NPHS1: variants seen among roughly 807,000 people sequenced by gnomAD.
The protein encoded by NPHS1 is NPHS1 adhesion molecule, nephrin, also known as nephrin.
In NPHS1, 107 loss-of-function variants were observed where a neutral mutation model predicts 139.7. That is an observed-to-expected ratio of 0.77 (90% CI 0.66 to 0.90). NPHS1 has a LOEUF of 0.90. Among genes scored for constraint, NPHS1 ranks in the 40% least tolerant of loss-of-function variants. The pLI is 0.00. For missense variants in NPHS1, 1,580 were observed against 1,654.2 expected (o/e 0.96, Z 0.78); for synonymous variants, 707 against 706.6 (o/e 1.00, Z -0.01).
chr19:35,833,241 G>C (rs1192115980), intron 23 of NPHS1, among the ~76,000 whole-genome samples: 1 of 151,996 alleles, frequency 6.6e-6, no homozygotes, highest in Non-Finnish European at 1.5e-5. Context: ...ATATCAGGCT[G>C]ACTTGGCTGC....
chr19:35,826,708 C>A, intron 28 of NPHS1, 63 bp from the exon 29 acceptor site: 2 of 1,580,082 alleles, frequency 1.3e-6, no homozygotes, highest in Non-Finnish European at 8.7e-7. Flanking sequence ...CATTGAAGAT[C>A]TGGGGGATAC....
intron 16 of NPHS1, 112 bp downstream of exon 16, chr19:35,843,991 G>GGTT: frequency 7.0e-7 from 1 of 1,436,574 alleles, no homozygotes; most frequent in Non-Finnish European, 9.5e-7. Flanking sequence ...AGAACGGGAG[G>GGTT]GTTCCAGGAT....
chr19:35,843,075 G>A (rs140514878), intron 17 of NPHS1, among the ~76,000 whole-genome samples: 3 of 152,014 alleles, frequency 2.0e-5, no homozygotes, highest in Non-Finnish European at 4.4e-5. Flanking sequence ...TCCTTCCATA[G>A]ATATCTTTCC....
intron 16 of NPHS1, chr19:35,843,826 TG>T (rs1640155681): frequency 1.5e-6 from 1 of 652,412 alleles, no homozygotes. Context: ...TCCAGAATTG[TG>T]TGTGTAGCAG....
chr19:35,826,629 T>A lies in NPHS1; in HGVS notation c.3611A>T (p.His1204Leu). 1 of 1,614,088 alleles carries A rather than the reference T, an allele frequency of 6.2e-7. No individual in the cohort carries two copies. The highest frequency in any genetic ancestry group is 8.5e-7 in the Non-Finnish European group (1 of 1,180,012). The change falls in exon 29 of 29, where the codon CAC (histidine) becomes CTC (leucine). Residue 1204 changes from histidine (H) to leucine (L), a missense_variant. Coordinates refer to ENST00000378910, the MANE Select transcript of NPHS1 (RefSeq NM_004646.4). ...ATCCTGATATGTGTCTTCAGGCCAG[T>A]GGAGGTCCCAGGGTCCCTGACAGGC... ...DEVQMGPWDL[H>L]WPEDTYQDPR...
intron 22 of NPHS1, among the ~76,000 whole-genome samples, chr19:35,837,103 T>C (rs1473503971): frequency 6.6e-6 from 1 of 151,496 alleles, no homozygotes; most frequent in Non-Finnish European, 1.5e-5. Flanking sequence ...ATCTGTGCTA[T>C]ATATTTTTAG....
Position 35,845,194 on chromosome 19 carries a change from CA to C in NPHS1, c.1930+173del. ...CTGAGGTGGGAGTATCACTTGAGCT[CA>C]GGAGTTGGAGACTGCAGTGACCTAT... is the stretch of plus-strand genomic sequence containing the variant. On this transcript the variant is annotated intron_variant, in intron 14 of 28. Transcript: ENST00000378910. The surrounding 1 kb of genome is among the most constrained non-coding windows in gnomAD (Gnocchi z 5.5). Among the ~76,000 whole-genome samples the C allele has an allele frequency of 6.6e-6, 1 of 152,202 alleles. No homozygotes were observed. Among genetic ancestry groups the C allele is most frequent in the Middle Eastern group, 3.4e-3 (1 of 294 alleles).
Position 35,831,368 on chromosome 19 carries a change from C to T in NPHS1, c.3315G>A (p.Ser1105=), listed in dbSNP as rs2071327. Residue 1105 remains serine (S), a synonymous_variant, in exon 26 of 29, where the codon TCG becomes TCA. Transcript: ENST00000378910. ...EGISEKTEAG[S]EEDRVRNEYE... ...ATTCGTTCCTGACTCGGTCCTCTTC[C>T]GACCTTCCAGGATGAAGGTGTGGGG... 0.38 allele frequency: 612,169 copies of T among 1,613,270 alleles called. 122,372 individuals carry two copies. The highest frequency in any genetic ancestry group is 0.66 in the East Asian group (29,381 of 44,824).
chr19:35,841,591 C>G, intron 20 of NPHS1, 124 bp downstream of exon 20: 1 of 1,143,606 alleles, frequency 8.7e-7, no homozygotes, highest in Non-Finnish European at 1.3e-6. Flanking sequence ...CAGGCAAAAA[C>G]TCCATCCTCA....
intron 11 of NPHS1, 84 bp from the exon 12 acceptor site, chr19:35,846,278 G>T: frequency 7.1e-7 from 1 of 1,414,964 alleles, no homozygotes; most frequent in South Asian, 1.2e-5. Flanking sequence ...CCACTGGGTT[G>T]GTGCCGCCAG....
intron 22 of NPHS1, among the ~76,000 whole-genome samples, chr19:35,836,461 G>T (rs371387609): frequency 1.2e-4 from 18 of 152,056 alleles, no homozygotes; most frequent in Middle Eastern, 3.4e-3. Flanking sequence ...GGTGTGCAAG[G>T]TCCTTTTCAC....
Position 35,831,048 on chromosome 19 carries a change from C to T in NPHS1, c.3481+5G>A. 1.9e-6 allele frequency: 3 copies of T among 1,614,100 alleles called. No homozygotes were observed. The highest frequency in any genetic ancestry group is 2.5e-6 in the Non-Finnish European group (3 of 1,179,982). On this transcript the variant is annotated splice_donor_5th_base_variant and intron_variant, in intron 27 of 28. Transcript: ENST00000378910. ...TGAGGGAATCCTGACATGGTCCTAA[C>T]TCACCTCGGGAATAAGACACCTCCT...
At position 35,842,535 on chromosome 19, in the gene NPHS1, C is replaced by T. The variant is rs1303896971; in HGVS notation, c.2350G>A (p.Asp784Asn). 3 of 1,614,112 alleles carry T rather than the reference C, an allele frequency of 1.9e-6. No individual in the cohort carries two copies. The East Asian group carries it at 6.7e-5, about 36-fold the overall frequency. The stretch of plus-strand genomic sequence containing the variant: ...TTCTCCATGTCATCCAGGCTCTGGT[C>T]CTCCTCATCTTCTCCCTGGAGGCCC... ...NWERLGEDEE[D>N]QSLDDMEKIS... The change falls in exon 18 of 29, where the codon GAC becomes AAC. Residue 784 changes from aspartate (D) to asparagine (N), a missense_variant. Physicochemically the swap from Asp to Asn is conservative, Grantham distance 23 (BLOSUM62 1). Transcript: ENST00000378910.
At chr19:35,850,912 C>T (rs984536738) in intron 4 of NPHS1, 49 bp downstream of exon 4, 2 of 1,610,522 alleles carry the variant, frequency 1.2e-6, no homozygotes, top group African/African-American at 1.3e-5. Flanking sequence ...ACCCTTCCCA[C>T]TCCAGAGGCT....
chr19:35,844,206 A>C lies in NPHS1; in HGVS notation c.2109T>G (p.Ala703=). 6.2e-7 allele frequency: 1 copy of C among 1,612,696 alleles called. No homozygotes were observed. The highest frequency in any genetic ancestry group is 1.3e-5 in the African/African-American group (1 of 75,064). The change falls in exon 16 of 29, where the codon GCT becomes GCG. Residue 703 remains alanine, a synonymous_variant. Transcript: ENST00000378910. ...GPRHRILSSG[A]LHLWNVTRAD... is the part of the protein sequence containing the mutation. ...CGCGGGTCACATTCCACAGATGCAG[A>C]GCCCCGCTGGACAGGATGCGATGCC...
intron 28 of NPHS1, among the ~76,000 whole-genome samples, chr19:35,828,040 T>C (rs772148945): frequency 6.6e-6 from 1 of 152,196 alleles, no homozygotes; most frequent in African/African-American, 2.4e-5. Context: ...AACAGTTCCC[T>C]AATCATAATA....
At chr19:35,833,808 C>T (rs765827541) in intron 23 of NPHS1, among the ~76,000 whole-genome samples, 16 of 152,132 alleles carry the variant, frequency 1.1e-4, no homozygotes, top group South Asian at 2.1e-4. Context: ...TCAATCCTCC[C>T]GCATCAGCCT....
rs749003854 is a variant in NPHS1, at chr19:35,839,287, C to A, written c.3059G>T (p.Gly1020Val). 24 of 1,614,202 alleles carry A rather than the reference C, an allele frequency of 1.5e-5. No individual in the cohort carries two copies. In the South Asian group the frequency reaches 2.6e-4, roughly 18 times the overall value. The change falls in exon 22 of 29, where the codon GGG becomes GTG. Residue 1020 changes from glycine to valine, a missense_variant. By Grantham distance (109) the Gly-to-Val change is moderately radical (BLOSUM62 -3). Transcript: ENST00000378910. ...CCCTTTGTCAGCCAGTCCACTGTCCCCCAAGGCATTACTGGCCAGCAGCCA... is the reference window on the plus strand; with the variant it reads ...CCCTTTGTCAGCCAGTCCACTGTCCACCAAGGCATTACTGGCCAGCAGCCA... Reference protein sequence around the residue: ...RVWLLASNALGDSGLADKGTQ... With the variant: ...RVWLLASNALVDSGLADKGTQ...
Position 35,851,665 on chromosome 19 carries a change from C to T in NPHS1, c.66G>A (p.Ala22=), listed in dbSNP as rs750193555. The T allele has an allele frequency of 3.7e-6, 6 of 1,612,662 alleles. No homozygotes were observed. Among genetic ancestry groups the T allele is most frequent in the East Asian group, 4.5e-5 (2 of 44,818 alleles). Residue 22 remains alanine, a synonymous_variant, in exon 2 of 29, where the codon GCG becomes GCA. Coordinates refer to ENST00000378910, the MANE Select transcript of NPHS1 (RefSeq NM_004646.4). ...LLLGLLTEGL[A]QLAIPASVPR... is the part of the protein sequence containing the mutation. The stretch of plus-strand genomic sequence containing the variant: ...GAACGGAGGCAGGAATCGCCAACTG[C>T]GCCAGGCCTGAGGACACAGCGCGGT...
Sources: gnomAD v4.1 joint callset for allele counts (sites outside exome capture counted in the v4.1 genomes callset) on GRCh38, gnomAD v4.1.1 for gene constraint, Gnocchi (gnomAD v3.1) non-coding constraint, MANE v1.5 for transcripts, NCBI Gene and HGNC (gene_info 2026-07-23, HGNC 2026-07-21) for gene names.